Variants in RBFOX1 observed in about 807,000 individuals in gnomAD.
The protein encoded by RBFOX1 is RNA binding fox-1 homolog 1.
A neutral mutation model predicts 57.7 loss-of-function variants in RBFOX1; 8 were observed. The observed-to-expected ratio is 0.14, with a 90% CI of 0.08 to 0.25. The LOEUF is 0.25. Ranked by LOEUF, RBFOX1 falls within the 10% of genes least tolerant of loss-of-function variation. The pLI is 1.00. For missense variants in RBFOX1, 611 were observed against 548.5 expected (o/e 1.11, Z -1.14); for synonymous variants, 326 against 222.4 (o/e 1.47, Z -4.15).
intron 1 of RBFOX1, among the ~76,000 whole-genome samples, chr16:6,230,379 A>T (rs1179364915): frequency 1.3e-5 from 2 of 152,178 alleles, no homozygotes; most frequent in Non-Finnish European, 2.9e-5. Context: ...ACATGAGAGA[A>T]TTGGGGCTTT....
intron 4 of RBFOX1, among the ~76,000 whole-genome samples, chr16:5,887,514 G>A (rs534357687): frequency 3.3e-5 from 5 of 152,304 alleles, no homozygotes; most frequent in East Asian, 3.9e-4. Context: ...CAATTCTCCT[G>A]CCTTAGCCTC....
intron 2 of RBFOX1, among the ~76,000 whole-genome samples, chr16:5,548,169 AAAAAAATATAT>A (rs1256296126): frequency 0.012 from 534 of 43,062 alleles, 7 homozygotes; most frequent in East Asian, 0.12. Context: ...AAAAAAAAAA[AAAAAAATATAT>A]ATATATATAT....
At chr16:6,506,389 G>C (rs528380241) in intron 2 of RBFOX1, among the ~76,000 whole-genome samples, 37 of 152,208 alleles carry the variant, frequency 2.4e-4, no homozygotes, top group African/African-American at 7.5e-4. Flanking sequence ...TTGGGTGAAG[G>C]CAGAACCAGG....
At chr16:5,888,092 C>G (rs538407854) in intron 4 of RBFOX1, among the ~76,000 whole-genome samples, 1 of 152,194 alleles carries the variant, frequency 6.6e-6, no homozygotes, top group Non-Finnish European at 1.5e-5. Flanking sequence ...GCTGGCCTCA[C>G]CACCTTCCTC....
intron 4 of RBFOX1, among the ~76,000 whole-genome samples, chr16:7,381,265 C>G (rs554335318): frequency 2.0e-4 from 31 of 152,292 alleles, no homozygotes; most frequent in Admixed American, 1.8e-3. Flanking sequence ...TTTATGGGCC[C>G]TGACTTTTCT....
chr16:7,470,130 T>G (rs1294155928), intron 4 of RBFOX1, among the ~76,000 whole-genome samples: 1 of 152,216 alleles, frequency 6.6e-6, no homozygotes, highest in Non-Finnish European at 1.5e-5. Flanking sequence ...TTTTGATTAG[T>G]GCAAATAATG....
At chr16:5,927,934 C>A (rs2058970561) in intron 4 of RBFOX1, among the ~76,000 whole-genome samples, 1 of 151,940 alleles carries the variant, frequency 6.6e-6, no homozygotes, top group South Asian at 2.1e-4. Flanking sequence ...TGGTGGTTAC[C>A]AGAGGCTGGG....
chr16:7,349,455 C>T (rs545925646), intron 4 of RBFOX1, among the ~76,000 whole-genome samples: 9 of 152,324 alleles, frequency 5.9e-5, no homozygotes, highest in Non-Finnish European at 8.8e-5. Context: ...AGTCATGGAT[C>T]GGGCTTGCCA....
intron 2 of RBFOX1, among the ~76,000 whole-genome samples, chr16:6,420,535 A>G (rs2093743282): frequency 6.6e-6 from 1 of 152,348 alleles, no homozygotes; most frequent in Middle Eastern, 3.4e-3. Context: ...AGGGTGGAGA[A>G]AAACCACATC....
intron 4 of RBFOX1, among the ~76,000 whole-genome samples, chr16:7,058,532 C>T (rs1442734993): frequency 6.6e-6 from 1 of 152,132 alleles, no homozygotes; most frequent in South Asian, 2.1e-4. Flanking sequence ...AAATTCCTCA[C>T]CTGTATAGTG....
At position 7,267,494 on chromosome 16, in the gene RBFOX1, C is replaced by G. The variant is rs552730257; in HGVS notation, c.27+215396C>G. Reference sequence around the variant, plus strand: ...GAGGTTGCAGCGAGCCAAGGTTGCACTACTGCATTCCAGCCTGGGCAACAG... The same window carrying G: ...GAGGTTGCAGCGAGCCAAGGTTGCAGTACTGCATTCCAGCCTGGGCAACAG... On this transcript the variant is annotated intron_variant, in intron 4 of 15. Coordinates refer to ENST00000550418, the MANE Select transcript of RBFOX1 (RefSeq NM_018723.4). 4.6e-5 allele frequency among the ~76,000 whole-genome samples: 7 copies of G among 152,192 alleles called. No homozygotes were observed. The East Asian group carries it at 9.7e-4, about 21-fold the overall frequency.
intron 1 of RBFOX1, among the ~76,000 whole-genome samples, chr16:5,298,589 T>A (rs1312701921): frequency 1.3e-4 from 1 of 7,470 alleles, no homozygotes; most frequent in African/African-American, 7.7e-4. Flanking sequence ...TCCCTTCCCC[T>A]CCCCTCCCCT....
intron 3 of RBFOX1, among the ~76,000 whole-genome samples, chr16:6,789,440 A>G (rs749275154): frequency 6.6e-6 from 1 of 152,142 alleles, no homozygotes; most frequent in Admixed American, 6.5e-5. Flanking sequence ...AGCGTGTGGA[A>G]GGCGAGAGAA....
chr16:5,807,842 G>A (rs113536276), intron 3 of RBFOX1, among the ~76,000 whole-genome samples: 2,566 of 152,260 alleles, frequency 0.017, 35 homozygotes, highest in Non-Finnish European at 0.027. Context: ...TGATGCCCAC[G>A]CTGCTGGTCT....
At position 6,803,745 on chromosome 16, in the gene RBFOX1, G is replaced by A. The variant is rs118186459; in HGVS notation, c.-16+149095G>A. On this transcript the variant is annotated intron_variant, in intron 3 of 15. Coordinates refer to ENST00000550418, the MANE Select transcript of RBFOX1 (RefSeq NM_018723.4). ...GCTTATCTTGCTTAAGAGTAATTCT[G>A]AGAATCTATTACTTGTGAGAGAATA... is the stretch of plus-strand genomic sequence containing the variant. 9.8e-3 allele frequency among the ~76,000 whole-genome samples: 1,498 copies of A among 152,098 alleles called. 12 individuals are homozygous for A. The highest frequency in any genetic ancestry group is 0.016 in the Non-Finnish European group (1,071 of 68,002).
chr16:5,409,340 G>C (rs1417172723), intron 1 of RBFOX1, among the ~76,000 whole-genome samples: 1 of 152,064 alleles, frequency 6.6e-6, no homozygotes, highest in Non-Finnish European at 1.5e-5. Flanking sequence ...CCTCCTTCAA[G>C]GTGGTGTCTC....
intron 1 of RBFOX1, among the ~76,000 whole-genome samples, chr16:6,077,946 C>T (rs529771125): frequency 1.3e-4 from 20 of 151,972 alleles, no homozygotes; most frequent in African/African-American, 4.6e-4. Context: ...AGCTGTTGCC[C>T]CCAGGAAATG....
chr16:7,459,251 T>G (rs1444835865), intron 4 of RBFOX1, among the ~76,000 whole-genome samples: 1 of 152,178 alleles, frequency 6.6e-6, no homozygotes, highest in Non-Finnish European at 1.5e-5. Context: ...TTCTAGACAT[T>G]GAGTTTTAGG....
intron 4 of RBFOX1, among the ~76,000 whole-genome samples, chr16:5,992,224 A>G (rs1596359845): frequency 6.6e-6 from 1 of 152,340 alleles, no homozygotes; most frequent in African/African-American, 2.4e-5. Context: ...TCTTCAAAGA[A>G]CAAAGAGTTT....
Sources: gnomAD v4.1 joint callset for allele counts (sites outside exome capture counted in the v4.1 genomes callset) on GRCh38, gnomAD v4.1.1 for gene constraint, MANE v1.5 for transcripts, NCBI Gene and HGNC (gene_info 2026-07-23, HGNC 2026-07-21) for gene names.